The following UGCG variants were observed in gnomAD, a reference collection of about 807,000 sequenced individuals.
UGCG encodes the protein ceramide glucosyltransferase.
UGCG carries 10 observed loss-of-function variants against 49.5 expected under a neutral mutation model. The observed-to-expected ratio is 0.20, with a 90% CI of 0.12 to 0.34. The LOEUF (loss-of-function observed/expected upper bound fraction) is 0.34. UGCG is among the 10% of genes least tolerant of loss of function. The pLI, the probability that UGCG is intolerant of heterozygous loss-of-function variation, is 1.00. For missense variants in UGCG, 312 were observed against 483.7 expected, an observed-to-expected ratio of 0.65 and a Z score of 3.33; for synonymous variants, 182 against 158.2, an observed-to-expected ratio of 1.15 and a Z score of -1.13.
At chr9:111,929,805 A>C in intron 6 of UGCG, 127 bp downstream of exon 6, 1 of 1,058,512 alleles carries the variant, frequency 9.4e-7, no homozygotes, top group Non-Finnish European at 1.3e-6. Flanking sequence ...AGTACAGAAT[A>C]GGTCAATAAT....
chr9:111,910,511 G>A (rs74461232), intron 1 of UGCG, among the ~76,000 whole-genome samples: 2,908 of 152,106 alleles, frequency 0.019, 46 homozygotes, highest in East Asian at 0.065. Context: ...CAATTCTTTC[G>A]TAAATTGTGA....
chr9:111,907,203 A>C (rs920450958), intron 1 of UGCG, among the ~76,000 whole-genome samples: 1 of 152,168 alleles, frequency 6.6e-6, no homozygotes, highest in Non-Finnish European at 1.5e-5. Context: ...CTCTTCTCTC[A>C]AAGTGTTCCA....
At chr9:111,928,940 A>T (rs1435370159) in intron 5 of UGCG, among the ~76,000 whole-genome samples, 1 of 152,080 alleles carries the variant, frequency 6.6e-6, no homozygotes, top group Non-Finnish European at 1.5e-5. Flanking sequence ...AAATACATTG[A>T]AAAAAATGGA....
chr9:111,902,896 G>C (rs757301761), intron 1 of UGCG, among the ~76,000 whole-genome samples: 3 of 151,892 alleles, frequency 2.0e-5, no homozygotes, highest in Non-Finnish European at 4.4e-5. Flanking sequence ...TTGTGCCTCA[G>C]CCTCCCAAGC....
At chr9:111,897,730 A>G (rs2131709647) in intron 1 of UGCG, among the ~76,000 whole-genome samples, 1 of 151,782 alleles carries the variant, frequency 6.6e-6, no homozygotes, top group East Asian at 1.9e-4. Context: ...AGCTGCTCAC[A>G]GCTATCTGGA....
intron 1 of UGCG, among the ~76,000 whole-genome samples, chr9:111,900,476 A>ATGTG (rs10551745): frequency 9.7e-4 from 146 of 150,672 alleles, no homozygotes; most frequent in African/African-American, 3.2e-3. Flanking sequence ...GTATATGTAT[A>ATGTG]TGTGTGTGTG....
At chr9:111,902,205 C>CA (rs1356366958) in intron 1 of UGCG, among the ~76,000 whole-genome samples, 1 of 152,186 alleles carries the variant, frequency 6.6e-6, no homozygotes. Context: ...CCCCTTATGG[C>CA]ACCCAGCCAT....
chr9:111,911,337 A>G (rs1033333804), intron 1 of UGCG, among the ~76,000 whole-genome samples: 51 of 152,176 alleles, frequency 3.4e-4, no homozygotes, highest in African/African-American at 1.2e-3. Context: ...CGGTTCAATT[A>G]TGTATTTTAA....
chr9:111,927,572 C>T (rs1057246788), intron 5 of UGCG, among the ~76,000 whole-genome samples: 1 of 152,098 alleles, frequency 6.6e-6, no homozygotes, highest in Non-Finnish European at 1.5e-5. Flanking sequence ...CTGCCTCAGC[C>T]TCCTGAGTAG....
chr9:111,926,355 C>A, intron 4 of UGCG, 29 bp from the exon 5 acceptor site: 1 of 1,522,994 alleles, frequency 6.6e-7, no homozygotes, highest in Non-Finnish European at 8.9e-7. Flanking sequence ...TTCTTTTCTC[C>A]CCCTCTCTGC....
At chr9:111,921,807 T>TTTTTTTTTTTTTTTTTC (rs1180303102) in intron 2 of UGCG, among the ~76,000 whole-genome samples, 1 of 100,944 alleles carries the variant, frequency 9.9e-6, no homozygotes, top group Non-Finnish European at 1.9e-5. Flanking sequence ...GGGTGATTTT[T>TTTTTTTTTTTTTTTTTC]TTTTTTTTTT....
Position 111,926,861 on chromosome 9 carries a change from C to CTTTTTTTTTTTTTTT in UGCG, c.558+380_558+394dup, listed in dbSNP as rs56298523. Among the ~76,000 whole-genome samples the CTTTTTTTTTTTTTTT allele has an allele frequency of 3.5e-5, 2 of 56,874 alleles. 1 individual carries two copies. The highest frequency in any genetic ancestry group is 7.3e-5 in the Non-Finnish European group (2 of 27,516). 37.3% of individuals were successfully genotyped at this position (56,874 alleles called of 152,430 possible). A position where few individuals can be genotyped will look rare whatever the true frequency, so the allele number is the denominator to read the frequency against. On this transcript the variant is annotated intron_variant, in intron 5 of 8. Coordinates refer to ENST00000374279, the MANE Select transcript of UGCG (RefSeq NM_003358.3). ...GAACCGCTGGCCCCCTCCCCCCAGC[C>CTTTTTTTTTTTTTTT]TTTTTTTTTTTTTTTTTTTTTTTTT...
At chr9:111,924,572 A>T (rs1271799719) in intron 3 of UGCG, among the ~76,000 whole-genome samples, 3 of 152,190 alleles carry the variant, frequency 2.0e-5, no homozygotes, top group Non-Finnish European at 4.4e-5. Context: ...GTGAATTTTC[A>T]AAGATAAATG....
At position 111,932,956 on chromosome 9, in the gene UGCG, T is replaced by TTC; in HGVS notation, c.1145_1146insCT (p.Leu382PhefsTer12). 6.2e-7 allele frequency: 1 copy of TTC among 1,611,060 alleles called. No homozygotes were observed. The highest frequency in any genetic ancestry group is 8.5e-7 in the Non-Finnish European group (1 of 1,178,402). On this transcript the variant is annotated frameshift_variant, in exon 9 of 9. Transcript: ENST00000374279. LOFTEE classifies it high-confidence loss of function. ...AAGCTGGAGAACTGGTCGCTACAGATTACGCTGTGGGGGTACAGCAGAGGA... is the reference window on the plus strand; with the variant it reads ...AAGCTGGAGAACTGGTCGCTACAGATTCTACGCTGTGGGGGTACAGCAGAGGA...
In UGCG at chr9:111,912,029, G is replaced by GATACATATAT. The variant is rs148816714; in HGVS notation, c.99-2573_99-2572insCATATATATA. Among the ~76,000 whole-genome samples the GATACATATAT allele has an allele frequency of 1.9e-4, 12 of 64,586 alleles. No homozygotes were observed. In the East Asian group the frequency reaches 2.3e-3, roughly 12 times the overall value. 42.4% of individuals were successfully genotyped at this position (64,586 alleles called of 152,430 possible). ...CAGGATACATATATATATTCAACAGGATATATATATATATATATATATATC... is the reference window on the plus strand; with the variant it reads ...CAGGATACATATATATATTCAACAGGATACATATATATATATATATATATATATATATATC... On this transcript the variant is annotated intron_variant, in intron 1 of 8. Coordinates refer to ENST00000374279, the MANE Select transcript of UGCG (RefSeq NM_003358.3).
intron 6 of UGCG, among the ~76,000 whole-genome samples, chr9:111,930,447 CACAAAATA>C (rs1329703031): frequency 6.7e-6 from 1 of 150,238 alleles, no homozygotes; most frequent in African/African-American, 2.4e-5. Flanking sequence ...ATTTCTCTAT[CACAAAATA>C]CTTGTTTTGT....
chr9:111,928,245 C>T (rs987702775), intron 5 of UGCG, among the ~76,000 whole-genome samples: 6 of 152,062 alleles, frequency 3.9e-5, no homozygotes, highest in Non-Finnish European at 5.9e-5. Context: ...TGTCCTACTG[C>T]AAGAAATTGT....
At position 111,929,603 on chromosome 9, in the gene UGCG, A is replaced by G; in HGVS notation, c.662A>G (p.Asp221Gly). The G allele has an allele frequency of 1.9e-6, 3 of 1,614,088 alleles. No homozygotes were observed. Among genetic ancestry groups the G allele is most frequent in the Non-Finnish European group, 2.5e-6 (3 of 1,179,998 alleles). The change falls in exon 6 of 9, where the codon GAT becomes GGT. Residue 221 changes from aspartate (D) to glycine (G), a missense_variant. This residue lies in a region of UGCG where 180 missense variants were observed against 320.4 expected (regional missense o/e 0.56). Transcript: ENST00000374279. ...TGTTTAATGAGAAAAGATGTGTTGG[A>G]TCAAGCAGGAGGACTTATAGCTTTT... ...MSCLMRKDVL[D>G]QAGGLIAFAQ...
chr9:111,921,802 A>T lies in UGCG; in HGVS notation c.241-1047A>T, dbSNP rs867577110. ...TTTTTAAAATAAATGCCCCAGGGTG[A>T]TTTTTTTTTTTTTTTTTTTTTTTTT... On this transcript the variant is annotated intron_variant, in intron 2 of 8. Transcript: ENST00000374279. Among the ~76,000 whole-genome samples the T allele has an allele frequency of 3.7e-3, 203 of 55,460 alleles. 1 individual carries two copies. Among genetic ancestry groups the T allele is most frequent in the East Asian group, 6.4e-3 (8 of 1,242 alleles). 36.4% of individuals were successfully genotyped at this position (55,460 alleles called of 152,430 possible). A position where few individuals can be genotyped will look rare whatever the true frequency, so the allele number is the denominator to read the frequency against.
Sources: gnomAD v4.1 joint callset for allele counts (sites outside exome capture counted in the v4.1 genomes callset) on GRCh38, gnomAD v4.1.1 for gene constraint, gnomAD v4.1.1 regional missense constraint, MANE v1.5 for transcripts, NCBI Gene and HGNC (gene_info 2026-07-23, HGNC 2026-07-21) for gene names.